Variants in SEPTIN11 observed in about 807,000 individuals in gnomAD.
The protein encoded by SEPTIN11 is septin-11.
A neutral mutation model predicts 51.4 loss-of-function variants in SEPTIN11; 25 were observed. That is an observed-to-expected ratio of 0.49 (90% CI 0.35 to 0.68). The LOEUF (loss-of-function observed/expected upper bound fraction) is 0.68. Among genes scored for constraint, SEPTIN11 ranks in the 30% least tolerant of loss-of-function variants. The pLI is 0.00. For missense variants in SEPTIN11, 381 were observed against 520.8 expected (o/e 0.73, Z 2.61); for synonymous variants, 174 against 184.1 (o/e 0.95, Z 0.44).
rs2109869181 is a variant in SEPTIN11 at position 76,949,830 on chromosome 4, G to C, written c.-74G>C. On this transcript the variant is annotated 5_prime_UTR_variant, in exon 1 of 10. Coordinates refer to ENST00000264893, the MANE Select transcript of SEPTIN11 (RefSeq NM_018243.4). ...AGGGAGGCGCGAGGGAGGCGAGCCG[G>C]AGCCCGAGCACTAGCAGCAGCCGGA... 2.0e-6 allele frequency: 3 copies of C among 1,471,530 alleles called. No individual in the cohort carries two copies. In the East Asian group the frequency reaches 8.3e-5, roughly 41 times the overall value. 91.2% of individuals were successfully genotyped at this position (1,471,530 alleles called of 1,614,324 possible).
intron 1 of SEPTIN11, among the ~76,000 whole-genome samples, chr4:76,977,720 G>T (rs1338041348): frequency 2.0e-5 from 3 of 150,190 alleles, no homozygotes; most frequent in African/African-American, 7.3e-5. Flanking sequence ...ATCCCAAAAG[G>T]TTCGTCTTTT....
At chr4:77,039,758 T>C, downstream of SEPTIN11, 1 of 984,522 alleles carries the variant, frequency 1.0e-6, no homozygotes, top group East Asian at 1.1e-4. Flanking sequence ...CATCTGCCTC[T>C]TGAGAGAGAG....
At chr4:77,005,828 G>A (rs771695580) in intron 3 of SEPTIN11, 32 bp downstream of exon 3, 10 of 1,588,570 alleles carry the variant, frequency 6.3e-6, no homozygotes, top group Non-Finnish European at 7.8e-6. Flanking sequence ...GGACATGAAT[G>A]GATGAGGAGA....
chr4:76,996,063 G>A (rs1578158599), intron 1 of SEPTIN11: 2 of 973,906 alleles, frequency 2.1e-6, no homozygotes, highest in South Asian at 1.6e-5. Flanking sequence ...TAAATTGAAA[G>A]CTTTTCTTGA....
intron 1 of SEPTIN11, among the ~76,000 whole-genome samples, chr4:76,970,313 TA>T (rs1372898799): frequency 6.6e-6 from 1 of 152,244 alleles, no homozygotes; most frequent in East Asian, 1.9e-4. Context: ...CACGCCTTAT[TA>T]ATTTTTGTAT....
At chr4:76,972,338 A>T (rs1455062043) in intron 1 of SEPTIN11, 2 of 152,180 alleles carry the variant, frequency 1.3e-5, no homozygotes, top group African/African-American at 4.8e-5. Context: ...TCTTCACTGA[A>T]ATTCACTTAA....
At chr4:77,019,046 C>G in intron 5 of SEPTIN11, 119 bp from the exon 6 acceptor site, 1 of 884,374 alleles carries the variant, frequency 1.1e-6, no homozygotes, top group South Asian at 1.7e-5. Flanking sequence ...CAAACTGCAG[C>G]CTGCTTTTCC....
In SEPTIN11 at chr4:76,951,130, C is replaced by A. The variant is rs536025810; in HGVS notation, c.27+1200C>A. Among the ~76,000 whole-genome samples the A allele has an allele frequency of 1.2e-4, 18 of 152,320 alleles. No homozygotes were observed. In the South Asian group the frequency reaches 3.7e-3, roughly 32 times the overall value. ...TCCCAGAAATGCAAGGCTGTGCTCT[C>A]AGGCTCCCGGCTCTTCCCCCTCTCC... is the stretch of plus-strand genomic sequence containing the variant. On this transcript the variant is annotated intron_variant, in intron 1 of 9. Transcript: ENST00000264893.
At chr4:77,022,824 A>G (rs1230012452) in intron 7 of SEPTIN11, among the ~76,000 whole-genome samples, 3 of 152,068 alleles carry the variant, frequency 2.0e-5, no homozygotes, top group East Asian at 1.9e-4. Flanking sequence ...TGAAGAGTCT[A>G]TGATGCTATC....
At position 77,024,782 on chromosome 4, in the gene SEPTIN11, T is replaced by C. The variant is rs1725988002; in HGVS notation, c.954-3847T>C. 6.6e-6 allele frequency among the ~76,000 whole-genome samples: 1 copy of C among 152,210 alleles called. No homozygotes were observed. The highest frequency in any genetic ancestry group is 1.5e-5 in the Non-Finnish European group (1 of 68,040). ...AAGGCAGCCTGGTCTCAGTCCTGGC[T>C]CTGTTACTTCTTTGTGGTGTGACCT... is the stretch of plus-strand genomic sequence containing the variant. On this transcript the variant is annotated intron_variant, in intron 7 of 9. Coordinates refer to ENST00000264893, the MANE Select transcript of SEPTIN11 (RefSeq NM_018243.4). This position sits in a 1 kb window ranked among gnomAD's most constrained non-coding sequence, Gnocchi z 4.2.
intron 3 of SEPTIN11, chr4:77,009,742 A>C (rs1724729986): frequency 6.6e-6 from 1 of 152,282 alleles, no homozygotes; most frequent in Non-Finnish European, 1.5e-5. Flanking sequence ...CTAAAAGCTA[A>C]AAATCAGACA....
At chr4:76,954,267 G>A (rs1330972891) in intron 1 of SEPTIN11, among the ~76,000 whole-genome samples, 1 of 152,162 alleles carries the variant, frequency 6.6e-6, no homozygotes, top group East Asian at 1.9e-4. Flanking sequence ...CTCTTTATAG[G>A]ACTCTAAATT....
At chr4:76,974,410 T>G in intron 1 of SEPTIN11, 1 of 166,214 alleles carries the variant, frequency 6.0e-6, no homozygotes, top group Non-Finnish European at 1.3e-5. Context: ...TTACTGGAGA[T>G]TTCATAGAGT....
In SEPTIN11 at chr4:77,038,585, C is replaced by T. The variant is rs149423267; in HGVS notation, c.*4073C>T. 21 of 994,592 alleles carry T rather than the reference C, an allele frequency of 2.1e-5. No individual in the cohort carries two copies. In the South Asian group the frequency reaches 4.5e-4, roughly 21 times the overall value. The allele number at this position is 994,592 out of a possible 1,614,324, so 61.6% of individuals were successfully genotyped here. A position where few individuals can be genotyped will look rare whatever the true frequency, so the allele number is the denominator to read the frequency against. On this transcript the variant is annotated 3_prime_UTR_variant, in exon 10 of 10. Transcript: ENST00000264893. ...ATATCACTAGTGCCAAGACATAAAG[C>T]GGGGGAAAATATATTTTTACCCAAA...
intron 1 of SEPTIN11, among the ~76,000 whole-genome samples, chr4:76,952,910 TTACTC>T (rs1285117363): frequency 2.6e-5 from 4 of 152,194 alleles, no homozygotes; most frequent in African/African-American, 4.8e-5. Context: ...ACATGGCAAT[TTACTC>T]TACTTGGGAA....
At chr4:77,022,642 C>T (rs970414403) in intron 7 of SEPTIN11, among the ~76,000 whole-genome samples, 8 of 152,148 alleles carry the variant, frequency 5.3e-5, no homozygotes, top group African/African-American at 1.9e-4. Context: ...TTCCCAACCC[C>T]TAGACGAGAT....
chr4:77,029,904 C>T (rs558758465), intron 8 of SEPTIN11, among the ~76,000 whole-genome samples: 6 of 151,914 alleles, frequency 3.9e-5, no homozygotes, highest in South Asian at 4.2e-4. Context: ...TTATACATTT[C>T]GAAAAAGGAC....
intron 3 of SEPTIN11, among the ~76,000 whole-genome samples, chr4:77,010,848 A>C (rs1398304737): frequency 6.6e-6 from 1 of 152,224 alleles, no homozygotes; most frequent in South Asian, 2.1e-4. Context: ...GTCCCTTTGG[A>C]GACCAGAAAG....
In SEPTIN11 at chr4:76,949,778, G is replaced by T; in HGVS notation, c.-126G>T. The T allele has an allele frequency of 9.7e-7, 1 of 1,032,032 alleles. No individual in the cohort carries two copies. 63.9% of individuals were successfully genotyped at this position (1,032,032 alleles called of 1,614,324 possible). ...AGCAGATGCCGCTGGCTGCCAGCGG[G>T]ACGCCGGCGAGCAGAGCGCAGCCGC... On this transcript the variant is annotated 5_prime_UTR_variant, in exon 1 of 10. Coordinates refer to ENST00000264893, the MANE Select transcript of SEPTIN11 (RefSeq NM_018243.4).
Sources: allele counts gnomAD v4.1 joint callset (sites outside exome capture counted in the v4.1 genomes callset), GRCh38; gene constraint gnomAD v4.1.1; non-coding constraint Gnocchi (gnomAD v3.1); transcripts MANE v1.5; gene names NCBI Gene and HGNC (gene_info 2026-07-23, HGNC 2026-07-21).